Variants in F13A1 observed in about 807,000 individuals in gnomAD.
F13A1 encodes the protein coagulation factor XIII A chain.
A neutral mutation model predicts 80.1 loss-of-function variants in F13A1; 47 were observed. The ratio of observed to expected loss-of-function variants is 0.59; its 90% confidence interval spans 0.46 to 0.75. F13A1 has a LOEUF of 0.75. Among genes scored for constraint, F13A1 ranks in the 30% least tolerant of loss-of-function variants. The pLI is 0.00. For missense variants in F13A1, 817 were observed against 930.4 expected, an observed-to-expected ratio of 0.88 and a Z score of 1.59; for synonymous variants, 349 against 344.9, an observed-to-expected ratio of 1.01 and a Z score of -0.13.
At chr6:6,292,602 A>G (rs1328305654) in intron 3 of F13A1, among the ~76,000 whole-genome samples, 2 of 152,144 alleles carry the variant, frequency 1.3e-5, no homozygotes, top group Non-Finnish European at 2.9e-5. Flanking sequence ...ACACCATCCA[A>G]CACCGCCGCT....
intron 6 of F13A1, among the ~76,000 whole-genome samples, chr6:6,231,480 T>G (rs1757351437): frequency 6.6e-6 from 1 of 151,918 alleles, no homozygotes; most frequent in Non-Finnish European, 1.5e-5. Flanking sequence ...AGAAGAGAAT[T>G]CTGAAAGCTT....
intron 3 of F13A1, among the ~76,000 whole-genome samples, chr6:6,299,390 C>G (rs531459153): frequency 3.0e-5 from 4 of 131,880 alleles, no homozygotes; most frequent in African/African-American, 1.5e-4. Context: ...GTACACCAAT[C>G]AGACGTAGAT....
At chr6:6,311,648 T>TAAAAACATATAGTTTA (rs1203959020) in intron 2 of F13A1, among the ~76,000 whole-genome samples, 1 of 147,226 alleles carries the variant, frequency 6.8e-6, no homozygotes, top group African/African-American at 2.5e-5. Flanking sequence ...TGTTTATATA[T>TAAAAACATATAGTTTA]TATATATTGT....
At chr6:6,293,251 C>T (rs950878413) in intron 3 of F13A1, among the ~76,000 whole-genome samples, 1 of 152,022 alleles carries the variant, frequency 6.6e-6, no homozygotes. Context: ...AGGGGGAGAC[C>T]TGGTAAGAAA....
intron 3 of F13A1, among the ~76,000 whole-genome samples, chr6:6,293,326 C>G (rs1758250895): frequency 2.6e-5 from 4 of 152,070 alleles, no homozygotes; most frequent in African/African-American, 9.7e-5. Flanking sequence ...AAAGTAACAG[C>G]AAATTAACAC....
Position 6,251,449 on chromosome 6 carries a change from A to T in F13A1, c.572-520T>A, listed in dbSNP as rs1188847301. Among the ~76,000 whole-genome samples, 4 of 152,186 alleles carry T rather than the reference A, an allele frequency of 2.6e-5. No homozygotes were observed. The East Asian group carries it at 7.7e-4, about 29-fold the overall frequency. On this transcript the variant is annotated intron_variant, in intron 4 of 14. Coordinates refer to ENST00000264870, the MANE Select transcript of F13A1 (RefSeq NM_000129.4). ...GTAGGTCATCTCCTTTTAATGAAAG[A>T]TACTTGTGAATGTGCAAGTATGTGT...
intron 3 of F13A1, among the ~76,000 whole-genome samples, chr6:6,269,955 G>T (rs371918336): frequency 9.2e-5 from 14 of 152,142 alleles, no homozygotes; most frequent in African/African-American, 3.4e-4. Context: ...CTCATGATCT[G>T]CCCGCCTAGG....
chr6:6,170,994 A>G (rs1180081671), intron 12 of F13A1, among the ~76,000 whole-genome samples: 1 of 152,172 alleles, frequency 6.6e-6, no homozygotes, highest in Non-Finnish European at 1.5e-5. Context: ...CTATGGACTC[A>G]GGCATAGGTT....
rs1760598801 is a variant in F13A1, at chr6:6,162,864, C to T, written c.1908+4594G>A. Among the ~76,000 whole-genome samples the T allele has an allele frequency of 6.6e-6, 1 of 152,176 alleles. No individual in the cohort carries two copies. The highest frequency in any genetic ancestry group is 2.4e-5 in the African/African-American group (1 of 41,428). Reference sequence around the variant, plus strand: ...AGCTTTAAACTCAGATGATTTGGTTCCAGAGCCCATGTTCTGACCACTGTG... The same window carrying T: ...AGCTTTAAACTCAGATGATTTGGTTTCAGAGCCCATGTTCTGACCACTGTG... On this transcript the variant is annotated intron_variant, in intron 13 of 14. Transcript: ENST00000264870. This position sits in a 1 kb window ranked among gnomAD's most constrained non-coding sequence, Gnocchi z 4.2.
chr6:6,189,825 A>T (rs922074798), intron 10 of F13A1, among the ~76,000 whole-genome samples: 1 of 151,832 alleles, frequency 6.6e-6, no homozygotes, highest in Non-Finnish European at 1.5e-5. Context: ...GTGTTTTCCA[A>T]CTTGGTTCCA....
At chr6:6,206,228 C>T (rs1316858104) in intron 8 of F13A1, among the ~76,000 whole-genome samples, 3 of 152,090 alleles carry the variant, frequency 2.0e-5, no homozygotes, top group Admixed American at 1.3e-4. Flanking sequence ...ATTTTTGTAA[C>T]GTGTTCCTAG....
At chr6:6,271,588 T>A (rs1236158664) in intron 3 of F13A1, among the ~76,000 whole-genome samples, 1 of 152,236 alleles carries the variant, frequency 6.6e-6, no homozygotes, top group Non-Finnish European at 1.5e-5. Flanking sequence ...AAAGACAGCA[T>A]CCAAGAAAGG....
At chr6:6,218,205 GTC>G (rs1163698789) in intron 8 of F13A1, among the ~76,000 whole-genome samples, 1 of 152,106 alleles carries the variant, frequency 6.6e-6, no homozygotes, top group African/African-American at 2.4e-5. Context: ...AAGTGCCAAC[GTC>G]TCTGTCTTTT....
At chr6:6,230,455 C>G (rs1185119413) in intron 6 of F13A1, among the ~76,000 whole-genome samples, 1 of 152,124 alleles carries the variant, frequency 6.6e-6, no homozygotes, top group Non-Finnish European at 1.5e-5. Flanking sequence ...CAAGGAGAGT[C>G]TGACCTCAGA....
intron 13 of F13A1, among the ~76,000 whole-genome samples, chr6:6,158,702 G>A (rs1760520682): frequency 6.6e-6 from 1 of 152,132 alleles, no homozygotes; most frequent in African/African-American, 2.4e-5. Context: ...AACGTGCTCG[G>A]TTGTGGACAT....
At chr6:6,190,597 G>C (rs183335936) in intron 10 of F13A1, among the ~76,000 whole-genome samples, 3,353 of 151,990 alleles carry the variant, frequency 0.022, 114 homozygotes, top group African/African-American at 0.075. Context: ...ATCTCCAGCT[G>C]CATGCTGGGA....
intron 3 of F13A1, among the ~76,000 whole-genome samples, chr6:6,288,610 G>A (rs1027857897): frequency 6.6e-6 from 1 of 152,142 alleles, no homozygotes; most frequent in Non-Finnish European, 1.5e-5. Context: ...ATGCTGAAAT[G>A]AACATGAGAC....
In F13A1 at chr6:6,286,177, G is replaced by A. The variant is rs146929272; in HGVS notation, c.319+19174C>T. On this transcript the variant is annotated intron_variant, in intron 3 of 14. Transcript: ENST00000264870. The stretch of plus-strand genomic sequence containing the variant: ...CTTTCAGATGGATTATTTGAGGTAA[G>A]GAGTTTGAGACCAGCCTGGTCAACA... Among the ~76,000 whole-genome samples the A allele has an allele frequency of 9.6e-3, 1,460 of 152,318 alleles. 8 individuals carry two copies. Among genetic ancestry groups the A allele is most frequent in the Non-Finnish European group, 0.016 (1,102 of 68,024 alleles).
At chr6:6,183,625 A>G (rs927004611) in intron 10 of F13A1, among the ~76,000 whole-genome samples, 1 of 152,242 alleles carries the variant, frequency 6.6e-6, no homozygotes, top group African/African-American at 2.4e-5. Flanking sequence ...AAGCCCTGCA[A>G]TACAGTGCGA....
Sources: allele counts gnomAD v4.1 joint callset (sites outside exome capture counted in the v4.1 genomes callset), GRCh38; gene constraint gnomAD v4.1.1; non-coding constraint Gnocchi (gnomAD v3.1); transcripts MANE v1.5; gene names NCBI Gene and HGNC (gene_info 2026-07-23, HGNC 2026-07-21).